The following PPP1R13B variants were observed in gnomAD, a reference collection of about 807,000 sequenced individuals.
PPP1R13B encodes the protein apoptosis-stimulating of p53 protein 1.
A neutral mutation model predicts 119.8 loss-of-function variants in PPP1R13B; 44 were observed. The ratio of observed to expected loss-of-function variants is 0.37; its 90% confidence interval spans 0.29 to 0.47. The LOEUF is 0.47. Among genes scored for constraint, PPP1R13B ranks in the 20% least tolerant of loss-of-function variants. The pLI is 0.99. For missense variants in PPP1R13B, 1,227 were observed against 1,413.5 expected (o/e 0.87, Z 2.12); for synonymous variants, 542 against 561.5 (o/e 0.97, Z 0.49).
chr14:103,736,777 C>T (rs2084124891), intron 15 of PPP1R13B: 1 of 155,144 alleles, frequency 6.4e-6, no homozygotes, highest in Admixed American at 6.3e-5. Flanking sequence ...CCCTGCCACA[C>T]AGCCTGAGAG....
At chr14:103,830,350 C>G (rs2086640449) in intron 1 of PPP1R13B, among the ~76,000 whole-genome samples, 1 of 152,142 alleles carries the variant, frequency 6.6e-6, no homozygotes, top group Admixed American at 6.6e-5. Flanking sequence ...CCCACCTCAG[C>G]CTCCCAAAGT....
At chr14:103,825,544 T>C (rs1286136902) in intron 1 of PPP1R13B, among the ~76,000 whole-genome samples, 1 of 152,200 alleles carries the variant, frequency 6.6e-6, no homozygotes, top group Non-Finnish European at 1.5e-5. Context: ...AAAGTTTTAG[T>C]AGTCTGGATC....
chr14:103,760,382 A>G (rs1213250868), intron 4 of PPP1R13B, among the ~76,000 whole-genome samples: 1 of 151,906 alleles, frequency 6.6e-6, no homozygotes. Flanking sequence ...TGCATCTAAT[A>G]AGAAGAAGTC....
chr14:103,757,778 C>T (rs1261838547), intron 4 of PPP1R13B, 27 bp from the exon 5 acceptor site: 1 of 1,580,258 alleles, frequency 6.3e-7, no homozygotes, highest in Non-Finnish European at 8.7e-7. Flanking sequence ...TATTTTGGAA[C>T]ATAAGTTTAT....
Position 103,786,788 on chromosome 14 carries a change from AGG to A in PPP1R13B, c.158-1876_158-1875del, listed in dbSNP as rs1483931840. 2.0e-4 allele frequency among the ~76,000 whole-genome samples: 30 copies of A among 148,622 alleles called. 2 individuals carry two copies. The highest frequency in any genetic ancestry group is 4.0e-4 in the Admixed American group (6 of 14,860). On this transcript the variant is annotated intron_variant, in intron 2 of 16. Transcript: ENST00000202556. ...TCTCAAAAAAAAAAAAAAAAAAAAAAGGCTGGTCATGGTGGTGCACGCCTGTG... is the reference window on the plus strand; with the variant it reads ...TCTCAAAAAAAAAAAAAAAAAAAAAACTGGTCATGGTGGTGCACGCCTGTG...
In PPP1R13B at chr14:103,735,127, A is replaced by G; in HGVS notation, c.*27T>C. 1 of 1,613,908 alleles carries G rather than the reference A, an allele frequency of 6.2e-7. No individual in the cohort carries two copies. The highest frequency in any genetic ancestry group is 1.1e-5 in the South Asian group (1 of 91,084). ...CTTAAGTGGCTCCTGGTAGCTGGCA[A>G]GACCATGCGGTGCTCCAAAAGGAAG... On this transcript the variant is annotated 3_prime_UTR_variant, in exon 17 of 17. Transcript: ENST00000202556.
chr14:103,801,814 T>C (rs2085906863), intron 1 of PPP1R13B, among the ~76,000 whole-genome samples: 1 of 152,168 alleles, frequency 6.6e-6, no homozygotes, highest in Non-Finnish European at 1.5e-5. Context: ...AGAAAAAATA[T>C]ATACACACAC....
At position 103,738,178 on chromosome 14, in the gene PPP1R13B, T is replaced by C. The variant is rs974352166; in HGVS notation, c.2865-318A>G. ...ATAGCTAAGATGTGAAATTTTATGT[T>C]ATGTGTATTTTACCACGATTCAAAT... On this transcript the variant is annotated intron_variant, in intron 14 of 16. Transcript: ENST00000202556. This position sits in a 1 kb window ranked among gnomAD's most constrained non-coding sequence, Gnocchi z 5.6. Among the ~76,000 whole-genome samples, 35 of 152,236 alleles carry C rather than the reference T, an allele frequency of 2.3e-4. No individual in the cohort carries two copies. The highest frequency in any genetic ancestry group is 7.3e-5 in the Non-Finnish European group (5 of 68,032).
At position 103,746,548 on chromosome 14, in the gene PPP1R13B, G is replaced by A; in HGVS notation, c.975C>T (p.Asn325=). Residue 325 remains asparagine, a synonymous_variant, in exon 9 of 17, where the codon AAC becomes AAT. Coordinates refer to ENST00000202556, the MANE Select transcript of PPP1R13B (RefSeq NM_015316.3). Reference sequence around the variant, plus strand: ...GTGGTGATGACGTGCCATTCACACGGTTCAGCTACAAATTGGGAAGAAATG... The same window carrying A: ...GTGGTGATGACGTGCCATTCACACGATTCAGCTACAAATTGGGAAGAAATG... ...ERLYGKKIQL[N]RVNGTSSPQS... The A allele has an allele frequency of 1.3e-6, 2 of 1,583,150 alleles. No individual in the cohort carries two copies. The highest frequency in any genetic ancestry group is 1.7e-6 in the Non-Finnish European group (2 of 1,161,088).
At chr14:103,823,832 TAAAA>T (rs142540930) in intron 1 of PPP1R13B, among the ~76,000 whole-genome samples, 1 of 148,034 alleles carries the variant, frequency 6.8e-6, no homozygotes. Context: ...ACATACACTT[TAAAA>T]AAAAAAGTCA....
At chr14:103,759,956 C>T (rs554095038) in intron 4 of PPP1R13B, among the ~76,000 whole-genome samples, 7 of 152,246 alleles carry the variant, frequency 4.6e-5, no homozygotes, top group Non-Finnish European at 1.0e-4. Flanking sequence ...TTCATTGTAT[C>T]TTATACATCA....
At position 103,738,596 on chromosome 14, in the gene PPP1R13B, CCTAATTGTCT is replaced by C; in HGVS notation, c.2864+73_2864+82del. On this transcript the variant is annotated intron_variant, in intron 14 of 16. Coordinates refer to ENST00000202556, the MANE Select transcript of PPP1R13B (RefSeq NM_015316.3). This position sits in a 1 kb window ranked among gnomAD's most constrained non-coding sequence, Gnocchi z 5.6. ...TGCTCTAATTCTCTCTTCCGTGCTT[CCTAATTGTCT>C]AGAACACGCCTGTTTTCCTTATGCA... 1 of 1,568,198 alleles carries C rather than the reference CCTAATTGTCT, an allele frequency of 6.4e-7. No individual in the cohort carries two copies. The highest frequency in any genetic ancestry group is 8.7e-7 in the Non-Finnish European group (1 of 1,148,428).
chr14:103,756,952 C>T (rs902453481), intron 5 of PPP1R13B, among the ~76,000 whole-genome samples: 1 of 151,830 alleles, frequency 6.6e-6, no homozygotes, highest in African/African-American at 2.4e-5. Context: ...TTAGTAGAGA[C>T]GGAGTTTCAC....
At chr14:103,790,444 G>A (rs140253156) in intron 2 of PPP1R13B, among the ~76,000 whole-genome samples, 1 of 152,072 alleles carries the variant, frequency 6.6e-6, no homozygotes, top group Non-Finnish European at 1.5e-5. Flanking sequence ...AAGCGATTAG[G>A]TCATGAGAGC....
At chr14:103,774,655 C>G (rs746354211) in intron 4 of PPP1R13B, among the ~76,000 whole-genome samples, 18 of 152,166 alleles carry the variant, frequency 1.2e-4, no homozygotes, top group South Asian at 2.1e-4. Flanking sequence ...CACACTCCCC[C>G]CTTTCTTCAC....
At position 103,739,028 on chromosome 14, in the gene PPP1R13B, T is replaced by C; in HGVS notation, c.2593-5A>G. 1.9e-6 allele frequency: 3 copies of C among 1,611,446 alleles called. No homozygotes were observed. The highest frequency in any genetic ancestry group is 2.5e-6 in the Non-Finnish European group (3 of 1,178,448). The stretch of plus-strand genomic sequence containing the variant: ...CTTCAAGTTGGTCCGCTTGTTCTGT[T>C]GGGAAGGAAGCACGCTTTCCAGTTA... On this transcript the variant is annotated splice_region_variant and splice_polypyrimidine_tract_variant and intron_variant, in intron 12 of 16. Coordinates refer to ENST00000202556, the MANE Select transcript of PPP1R13B (RefSeq NM_015316.3).
At chr14:103,830,782 C>T (rs1229375721) in intron 1 of PPP1R13B, among the ~76,000 whole-genome samples, 1 of 152,118 alleles carries the variant, frequency 6.6e-6, no homozygotes, top group East Asian at 1.9e-4. Context: ...ATATGATGGC[C>T]ACTGGCACAC....
At chr14:103,817,610 T>G (rs1328184770) in intron 1 of PPP1R13B, among the ~76,000 whole-genome samples, 1 of 152,122 alleles carries the variant, frequency 6.6e-6, no homozygotes. Flanking sequence ...TTAGATAAAA[T>G]CAGAATGAAA....
chr14:103,823,247 G>A (rs1304500343), intron 1 of PPP1R13B, among the ~76,000 whole-genome samples: 1 of 151,602 alleles, frequency 6.6e-6, no homozygotes, highest in Non-Finnish European at 1.5e-5. Flanking sequence ...GCTGAGGCAG[G>A]AGAATCGCTT....
Sources: gnomAD v4.1 joint callset for allele counts (sites outside exome capture counted in the v4.1 genomes callset) on GRCh38, gnomAD v4.1.1 for gene constraint, Gnocchi (gnomAD v3.1) non-coding constraint, MANE v1.5 for transcripts, NCBI Gene and HGNC (gene_info 2026-07-23, HGNC 2026-07-21) for gene names.